Variants in EDN1 observed in about 807,000 individuals in gnomAD.
EDN1 encodes the protein endothelin-1.
Under a neutral mutation model 21.7 loss-of-function variants are expected in EDN1, and 11 were observed. The ratio of observed to expected loss-of-function variants is 0.51; its 90% CI spans 0.32 to 0.84. EDN1 has a LOEUF of 0.84. Ranked by LOEUF, EDN1 falls within the 40% of genes least tolerant of loss-of-function variation. The pLI is 0.03. For synonymous variants in EDN1, 85 were observed against 90.6 expected, an observed-to-expected ratio of 0.94 and a Z score of 0.35; for missense variants, 244 against 262.3, an observed-to-expected ratio of 0.93 and a Z score of 0.48.
the EDN1 span, among the ~76,000 whole-genome samples, chr6:12,230,615 A>C: frequency 6.6e-6 from 1 of 152,158 alleles, no homozygotes; most frequent in East Asian, 1.9e-4. Context: ...CAAAAAGGAC[A>C]CCTGTTTACA....
At chr6:12,252,639 G>A in the EDN1 span, among the ~76,000 whole-genome samples, 1 of 152,210 alleles carries the variant, frequency 6.6e-6, no homozygotes, top group Admixed American at 6.5e-5. Flanking sequence ...GTGGGGGCCT[G>A]ACTTCTCTTA....
intron 4 of EDN1, 56 bp from the exon 5 acceptor site, chr6:12,295,906 G>T (rs1243922357): frequency 1.3e-6 from 2 of 1,560,350 alleles, no homozygotes; most frequent in Non-Finnish European, 1.8e-6. Context: ...TGTTTCTTTT[G>T]CCAAAGGGTG....
chr6:12,241,590 C>T, the EDN1 span, among the ~76,000 whole-genome samples: 2 of 152,064 alleles, frequency 1.3e-5, no homozygotes, highest in Non-Finnish European at 2.9e-5. Flanking sequence ...AAGTACGGGT[C>T]TGTGTTTTTG....
Position 12,290,706 on chromosome 6 carries a change from G to C in EDN1, c.64+13G>C. 6.2e-7 allele frequency: 1 copy of C among 1,610,764 alleles called. No individual in the cohort carries two copies. The highest frequency in any genetic ancestry group is 8.5e-7 in the Non-Finnish European group (1 of 1,176,940). On this transcript the variant is annotated intron_variant, in intron 1 of 4. Coordinates refer to ENST00000379375, the MANE Select transcript of EDN1 (RefSeq NM_001955.5). ...GCTCCAGAAACAGGTAGGCACGCTC[G>C]TTGACTTGTAAGTCTCGGAATTACA...
At chr6:12,246,600 G>A in the EDN1 span, among the ~76,000 whole-genome samples, 1 of 151,750 alleles carries the variant, frequency 6.6e-6, no homozygotes, top group African/African-American at 2.4e-5. Context: ...TAATTGTTCT[G>A]CCACTATCTG....
At chr6:12,240,678 G>T in the EDN1 span, among the ~76,000 whole-genome samples, 1 of 152,116 alleles carries the variant, frequency 6.6e-6, no homozygotes, top group African/African-American at 2.4e-5. Flanking sequence ...CAGGGGTTGA[G>T]TACATTTCAA....
the EDN1 span, among the ~76,000 whole-genome samples, chr6:12,273,813 G>A: frequency 6.6e-6 from 1 of 151,962 alleles, no homozygotes; most frequent in Non-Finnish European, 1.5e-5. Flanking sequence ...CAGAGATACT[G>A]GAGAATTAGA....
At chr6:12,237,583 A>G in the EDN1 span, among the ~76,000 whole-genome samples, 1 of 152,160 alleles carries the variant, frequency 6.6e-6, no homozygotes, top group African/African-American at 2.4e-5. Context: ...GAGAGAGTGG[A>G]ACTCCTAGTG....
At chr6:12,248,392 G>T in the EDN1 span, among the ~76,000 whole-genome samples, 1 of 152,116 alleles carries the variant, frequency 6.6e-6, no homozygotes, top group African/African-American at 2.4e-5. Context: ...ATTTATTATG[G>T]CAGGCCAAGC....
At chr6:12,267,876 A>C in the EDN1 span, among the ~76,000 whole-genome samples, 1 of 152,336 alleles carries the variant, frequency 6.6e-6, no homozygotes, top group Non-Finnish European at 1.5e-5. Flanking sequence ...TGGTAACTTT[A>C]TGTTGAAGCC....
chr6:12,240,127 A>C, the EDN1 span, among the ~76,000 whole-genome samples: 1 of 152,198 alleles, frequency 6.6e-6, no homozygotes, highest in East Asian at 1.9e-4. Flanking sequence ...TTTTGTATTG[A>C]CAAAGAGACC....
chr6:12,290,774 AT>A, intron 1 of EDN1, 81 bp downstream of exon 1: 2 of 1,284,874 alleles, frequency 1.6e-6, no homozygotes, highest in Non-Finnish European at 2.3e-6. Flanking sequence ...TCTTGCTTCT[AT>A]TTTTCCCCGT....
At chr6:12,239,638 GT>G in the EDN1 span, among the ~76,000 whole-genome samples, 1 of 152,182 alleles carries the variant, frequency 6.6e-6, no homozygotes, top group Non-Finnish European at 1.5e-5. Context: ...GCCTGGTGCA[GT>G]GACTCGCACC....
chr6:12,247,374 A>T, the EDN1 span, among the ~76,000 whole-genome samples: 1 of 152,132 alleles, frequency 6.6e-6, no homozygotes, highest in Non-Finnish European at 1.5e-5. Context: ...ATGGAATGAT[A>T]CAGATGATGG....
At chr6:12,284,816 G>A in the EDN1 span, among the ~76,000 whole-genome samples, 3 of 151,716 alleles carry the variant, frequency 2.0e-5, no homozygotes, top group Non-Finnish European at 4.4e-5. Context: ...GGTAGCTGCC[G>A]TATTTCTATG....
At chr6:12,270,162 G>T in the EDN1 span, among the ~76,000 whole-genome samples, 1 of 151,796 alleles carries the variant, frequency 6.6e-6, no homozygotes, top group African/African-American at 2.4e-5. Flanking sequence ...TATGTATTTG[G>T]CTTTTATCTT....
chr6:12,294,546 C>G (rs1735407935), intron 4 of EDN1, 142 bp downstream of exon 4: 1 of 916,176 alleles, frequency 1.1e-6, no homozygotes, highest in Non-Finnish European at 1.7e-6. Flanking sequence ...GAGATCTATG[C>G]ATCCTATAGA....
At chr6:12,265,031 A>G in the EDN1 span, among the ~76,000 whole-genome samples, 1 of 152,226 alleles carries the variant, frequency 6.6e-6, no homozygotes, top group South Asian at 2.1e-4. Flanking sequence ...ATAAAGGTCT[A>G]CACCATTTAG....
At chr6:12,271,125 CTATT>C in the EDN1 span, among the ~76,000 whole-genome samples, 2 of 151,704 alleles carry the variant, frequency 1.3e-5, no homozygotes, top group African/African-American at 4.8e-5. Context: ...TTTTTAAACT[CTATT>C]TAGCCACTTT....
Sources: gnomAD v4.1 joint callset for allele counts (sites outside exome capture counted in the v4.1 genomes callset) on GRCh38, gnomAD v4.1.1 for gene constraint, MANE v1.5 for transcripts, NCBI Gene and HGNC (gene_info 2026-07-23, HGNC 2026-07-21) for gene names.